RALGAPA1: variants seen among roughly 807,000 people sequenced by gnomAD.
RALGAPA1 encodes ral GTPase-activating protein subunit alpha-1.
RALGAPA1 carries 52 observed loss-of-function variants against 269.6 expected under a neutral mutation model. The observed-to-expected ratio is 0.19, with a 90% confidence interval of 0.15 to 0.24. The LOEUF (loss-of-function observed/expected upper bound fraction) is 0.24, where lower values mean the gene tolerates loss of function less well. Ranked by LOEUF, RALGAPA1 falls within the 10% of genes least tolerant of loss-of-function variation. The probability of loss-of-function intolerance (pLI) is 1.00; values close to 1 mark genes in which losing one functional copy is unlikely to be tolerated. For synonymous variants in RALGAPA1, 817 were observed against 1,008.3 expected (o/e 0.81, Z 3.60); for missense variants, 1,917 against 3,013.9 (o/e 0.64, Z 8.52).
intron 1 of RALGAPA1, among the ~76,000 whole-genome samples, chr14:35,803,913 T>C (rs2077162280): frequency 6.6e-6 from 1 of 151,822 alleles, no homozygotes; most frequent in Non-Finnish European, 1.5e-5. Flanking sequence ...CATGAGCCAC[T>C]GCACCTGGCC....
chr14:35,597,353 G>A (rs916210216), intron 36 of RALGAPA1, among the ~76,000 whole-genome samples: 1 of 151,960 alleles, frequency 6.6e-6, no homozygotes, highest in Non-Finnish European at 1.5e-5. Flanking sequence ...GGTGACAAAT[G>A]GTATCTCCAG....
intron 37 of RALGAPA1, among the ~76,000 whole-genome samples, chr14:35,591,995 C>T (rs1027615190): frequency 3.3e-5 from 5 of 152,172 alleles, no homozygotes; most frequent in Admixed American, 1.3e-4. Flanking sequence ...CCTTTTGCCA[C>T]GATTGTAAGT....
Position 35,621,454 on chromosome 14 carries a change from C to T in RALGAPA1, c.6929+3907G>A, listed in dbSNP as rs188543463. Among the ~76,000 whole-genome samples, 311 of 152,158 alleles carry T rather than the reference C, an allele frequency of 2.0e-3. 7 individuals carry two copies. The highest frequency in any genetic ancestry group is 2.1e-3 in the Non-Finnish European group (146 of 67,992). ...ATACCATTCAGGACATAGGCATGCG[C>T]GAGGACTTCATGACTAAAACACCAA... On this transcript the variant is annotated intron_variant, in intron 35 of 41. Transcript: ENST00000680220.
At chr14:35,579,072 C>G (rs1368778651) in intron 37 of RALGAPA1, among the ~76,000 whole-genome samples, 1 of 152,154 alleles carries the variant, frequency 6.6e-6, no homozygotes, top group Admixed American at 6.5e-5. Context: ...CTAAAAAGGT[C>G]TTTCTGAGAA....
At chr14:35,609,778 TG>T in intron 35 of RALGAPA1, among the ~76,000 whole-genome samples, 1 of 151,200 alleles carries the variant, frequency 6.6e-6, no homozygotes, top group East Asian at 2.0e-4. Context: ...AAAAACCAGC[TG>T]GGTGTGATGG....
chr14:35,586,237 T>C (rs2058277324), intron 37 of RALGAPA1, among the ~76,000 whole-genome samples: 1 of 152,222 alleles, frequency 6.6e-6, no homozygotes, highest in Non-Finnish European at 1.5e-5. Context: ...AGTTCACTTA[T>C]GATTTGGCTG....
intron 1 of RALGAPA1, among the ~76,000 whole-genome samples, chr14:35,791,681 C>T (rs568069157): frequency 3.9e-4 from 59 of 151,128 alleles, no homozygotes; most frequent in African/African-American, 1.1e-3. Flanking sequence ...CTGAGGTGGG[C>T]GGATCACGAG....
chr14:35,748,948 C>T (rs918090398), intron 9 of RALGAPA1, 124 bp from the exon 10 acceptor site: 16 of 1,373,226 alleles, frequency 1.2e-5, no homozygotes, highest in Middle Eastern at 2.7e-4. Flanking sequence ...TATACCACTG[C>T]TTAAACTCCG....
intron 12 of RALGAPA1, among the ~76,000 whole-genome samples, chr14:35,737,976 T>TA (rs997155867): frequency 2.0e-5 from 3 of 150,622 alleles, no homozygotes; most frequent in African/African-American, 7.3e-5. Context: ...TAATCCCAGC[T>TA]ACTTGGGAGG....
chr14:35,697,197 G>A (rs969364480), intron 17 of RALGAPA1, among the ~76,000 whole-genome samples: 1 of 152,128 alleles, frequency 6.6e-6, no homozygotes, highest in Admixed American at 6.5e-5. Context: ...AATGTAAACT[G>A]GTAGAAGATT....
intron 16 of RALGAPA1, among the ~76,000 whole-genome samples, chr14:35,716,492 CTATATACCATTATCACACCTAAGAAAAT>C (rs983889404): frequency 3.3e-5 from 5 of 151,270 alleles, no homozygotes; most frequent in Non-Finnish European, 7.4e-5. Context: ...GATCATCCTT[CTATATACCATTATCACACCTAAGAAAAT>C]TATATACCAT....
At chr14:35,677,428 TAC>T (rs2065042035) in intron 22 of RALGAPA1, 4 of 153,846 alleles carry the variant, frequency 2.6e-5, no homozygotes, top group Non-Finnish European at 5.8e-5. Context: ...ACTTGGCAGT[TAC>T]TTAGGTTTCC....
chr14:35,541,138 C>G (rs751701377), intron 41 of RALGAPA1, among the ~76,000 whole-genome samples: 1 of 147,850 alleles, frequency 6.8e-6, no homozygotes, highest in Non-Finnish European at 1.5e-5. Context: ...CTCCACTGCC[C>G]GGGTTCAAGC....
At chr14:35,596,595 C>T (rs1325260587) in intron 36 of RALGAPA1, among the ~76,000 whole-genome samples, 1 of 152,032 alleles carries the variant, frequency 6.6e-6, no homozygotes, top group Non-Finnish European at 1.5e-5. Context: ...GAACACATGT[C>T]AAATATCAGT....
At chr14:35,681,733 A>G (rs1212779317) in intron 21 of RALGAPA1, among the ~76,000 whole-genome samples, 1 of 152,186 alleles carries the variant, frequency 6.6e-6, no homozygotes, top group Non-Finnish European at 1.5e-5. Flanking sequence ...TGTAACCAAC[A>G]TCACAAACAA....
At chr14:35,641,633 T>C (rs370485313) in intron 31 of RALGAPA1, among the ~76,000 whole-genome samples, 2 of 152,204 alleles carry the variant, frequency 1.3e-5, no homozygotes, top group African/African-American at 2.4e-5. Flanking sequence ...TGTTCATGTA[T>C]TGAAAGAATC....
intron 1 of RALGAPA1, among the ~76,000 whole-genome samples, chr14:35,795,783 T>C (rs1045021094): frequency 6.2e-5 from 9 of 145,470 alleles, no homozygotes; most frequent in Non-Finnish European, 1.3e-4. Context: ...GAGGCCAGCC[T>C]GGGCAACATA....
At chr14:35,551,254 A>T (rs926916407) in intron 39 of RALGAPA1, among the ~76,000 whole-genome samples, 18 of 152,144 alleles carry the variant, frequency 1.2e-4, no homozygotes, top group Non-Finnish European at 2.1e-4. Flanking sequence ...GAAAAAAAAT[A>T]ACTGAAGAGG....
chr14:35,794,596 A>G (rs2076423993), intron 1 of RALGAPA1, among the ~76,000 whole-genome samples: 2 of 152,162 alleles, frequency 1.3e-5, no homozygotes, highest in Admixed American at 6.5e-5. Flanking sequence ...AGCTGGGACT[A>G]CAGGCGCCCG....
Sources: allele counts gnomAD v4.1 joint callset (sites outside exome capture counted in the v4.1 genomes callset), GRCh38; gene constraint gnomAD v4.1.1; transcripts MANE v1.5; gene names NCBI Gene and HGNC (gene_info 2026-07-23, HGNC 2026-07-21).